AGAP4: variants seen among roughly 807,000 people sequenced by gnomAD.
AGAP4 encodes ArfGAP with GTPase domain, ankyrin repeat and PH domain 4.
In AGAP4, 13 loss-of-function variants were observed where a neutral mutation model predicts 60.7. The ratio of observed to expected loss-of-function variants is 0.21; its 90% CI spans 0.14 to 0.34. The LOEUF (loss-of-function observed/expected upper bound fraction) is 0.34, where lower values mean the gene tolerates loss of function less well. Ranked by LOEUF, AGAP4 falls within the 10% of genes least tolerant of loss-of-function variation. The pLI is 1.00. For synonymous variants in AGAP4, 70 were observed against 339.0 expected (o/e 0.21, Z 8.72); for missense variants, 169 against 884.0 (o/e 0.19, Z 10.26).
intron 6 of AGAP4, among the ~76,000 whole-genome samples, chr10:45,830,449 G>C (rs1441720021): frequency 1.7e-5 from 2 of 120,862 alleles, no homozygotes; most frequent in African/African-American, 6.3e-5. Flanking sequence ...TGGGATTACA[G>C]GTGTGAACCA....
intron 1 of AGAP4, chr10:45,853,615 G>A (rs1300010587): frequency 4.7e-6 from 6 of 1,285,200 alleles, no homozygotes; most frequent in Non-Finnish European, 6.1e-6. Context: ...GCGATAAAGG[G>A]AGTAAAAAAA....
exon 1 of AGAP4, chr10:45,853,683 C>T (rs2059110102): frequency 7.8e-7 from 1 of 1,287,598 alleles, no homozygotes; most frequent in African/African-American, 1.5e-5. Flanking sequence ...GGTCCAGAAG[C>T]CCTTTGGATG....
chr10:45,826,537 A>C lies in AGAP4; in HGVS notation c.1439T>G (p.Val480Gly). Residue 480 changes from valine to glycine, a missense_variant, in exon 8 of 8, where the codon GTG becomes GGG. Physicochemically the swap from Val to Gly is moderately radical, Grantham distance 109. Coordinates refer to ENST00000616763, the MANE Select transcript of AGAP4 (RefSeq NM_001276343.3). ...IQNMRGNAHC[V>G]DCETQNPKWA... ...CTTAGGATTCTGGGTCTCACAGTCC[A>C]CACAGTGGGCGTTCCCACGCATGTT... 1 of 1,590,606 alleles carries C rather than the reference A, an allele frequency of 6.3e-7. No individual in the cohort carries two copies. Among genetic ancestry groups the C allele is most frequent in the Admixed American group, 1.7e-5 (1 of 58,612 alleles).
chr10:45,854,320 C>G (rs28624803), upstream of AGAP4: 3,459 of 155,146 alleles, frequency 0.022, 144 homozygotes, highest in African/African-American at 0.079. Context: ...CTAATCCCCT[C>G]ATTTTCTCTC....
chr10:45,846,181 A>ATCTT (rs1590039648), intron 2 of AGAP4, among the ~76,000 whole-genome samples: 17,244 of 151,450 alleles, frequency 0.11, 1,073 homozygotes, highest in Non-Finnish European at 0.14. Flanking sequence ...TTAAAGTAAG[A>ATCTT]ACTTTAACAG....
chr10:45,841,873 T>TA (rs2058924973), intron 3 of AGAP4, among the ~76,000 whole-genome samples, 186 bp from the exon 4 acceptor site: 1 of 151,866 alleles, frequency 6.6e-6, no homozygotes, highest in Non-Finnish European at 1.5e-5. Flanking sequence ...TCTAAAAACT[T>TA]AGATTTTCAT....
At chr10:45,840,056 C>T (rs1590031613) in intron 4 of AGAP4, among the ~76,000 whole-genome samples, 1 of 149,618 alleles carries the variant, frequency 6.7e-6, no homozygotes, top group Admixed American at 6.6e-5. Context: ...AAAAAAAATT[C>T]TCAAGAAGAG....
At chr10:45,850,942 T>C (rs1171014828), upstream of AGAP4, among the ~76,000 whole-genome samples, 984 of 151,974 alleles carry the variant, frequency 6.5e-3, 7 homozygotes, top group African/African-American at 0.018. Flanking sequence ...ATAACATACA[T>C]ACTAAATCAA....
At chr10:45,843,918 CTA>C (rs1299809766) in intron 3 of AGAP4, among the ~76,000 whole-genome samples, 1 of 149,910 alleles carries the variant, frequency 6.7e-6, no homozygotes, top group African/African-American at 2.5e-5. Context: ...TGATAAACGA[CTA>C]TGTTTTTTAA....
At chr10:45,838,733 GCT>G in intron 4 of AGAP4, among the ~76,000 whole-genome samples, 1 of 151,416 alleles carries the variant, frequency 6.6e-6, no homozygotes, top group Admixed American at 6.6e-5. Flanking sequence ...ACCAGGCCTG[GCT>G]AATTTGTTAT....
chr10:45,838,012 AC>A (rs1305807385), intron 4 of AGAP4, among the ~76,000 whole-genome samples: 2 of 151,150 alleles, frequency 1.3e-5, no homozygotes, highest in Non-Finnish European at 2.9e-5. Flanking sequence ...AATTACAATT[AC>A]AAAAATATGG....
At chr10:45,837,779 T>C (rs1421761491) in intron 4 of AGAP4, among the ~76,000 whole-genome samples, 3 of 150,616 alleles carry the variant, frequency 2.0e-5, no homozygotes, top group East Asian at 3.9e-4. Flanking sequence ...GAAGATAACA[T>C]TGGAAAAACC....
At chr10:45,849,930 A>ATT (rs1196465005), upstream of AGAP4, among the ~76,000 whole-genome samples, 1 of 145,186 alleles carries the variant, frequency 6.9e-6, no homozygotes, top group Non-Finnish European at 1.5e-5. Context: ...TTTTAAAAGA[A>ATT]TTTTTTTTTT....
At chr10:45,831,729 G>A (rs1333858845) in intron 5 of AGAP4, among the ~76,000 whole-genome samples, 3 of 113,168 alleles carry the variant, frequency 2.7e-5, no homozygotes, top group Non-Finnish European at 3.7e-5. Context: ...CGTCCCATGC[G>A]ATTTATTTTA....
intron 4 of AGAP4, among the ~76,000 whole-genome samples, chr10:45,836,244 GT>G (rs1264249756): frequency 1.3e-5 from 2 of 151,822 alleles, no homozygotes; most frequent in African/African-American, 4.8e-5. Context: ...GTTTAGTTTA[GT>G]TTTGCAGCTA....
chr10:45,841,745 T>C (rs2058922425), intron 3 of AGAP4, 58 bp from the exon 4 acceptor site: 1 of 686,572 alleles, frequency 1.5e-6, no homozygotes. Context: ...AAAATAAAAG[T>C]AGTTGTTAAC....
chr10:45,849,098 T>C (rs1367262032), upstream of AGAP4, among the ~76,000 whole-genome samples: 1 of 137,292 alleles, frequency 7.3e-6, no homozygotes, highest in African/African-American at 2.6e-5. Flanking sequence ...TGGTTGTGCA[T>C]GCCTGTAATC....
upstream of AGAP4, among the ~76,000 whole-genome samples, chr10:45,849,676 T>C (rs1312640029): frequency 1.3e-5 from 2 of 151,420 alleles, no homozygotes; most frequent in Admixed American, 6.6e-5. Flanking sequence ...GTTTCTCTCT[T>C]GTTGCCCAGG....
At chr10:45,830,718 C>T (rs1427757700) in intron 6 of AGAP4, among the ~76,000 whole-genome samples, 1 of 130,652 alleles carries the variant, frequency 7.7e-6, no homozygotes, top group Non-Finnish European at 1.7e-5. Flanking sequence ...ATCTCCTGAC[C>T]TTGTGATCCG....
Sources: allele counts gnomAD v4.1 joint callset (sites outside exome capture counted in the v4.1 genomes callset), GRCh38; gene constraint gnomAD v4.1.1; transcripts MANE v1.5; gene names NCBI Gene and HGNC (gene_info 2026-07-23, HGNC 2026-07-21).